The following RGS5 variants were observed in gnomAD, a reference collection of about 807,000 sequenced individuals.
The protein encoded by RGS5 is regulator of G-protein signalling 5.
Under a neutral mutation model 18.9 loss-of-function variants are expected in RGS5, and 20 were observed. The observed-to-expected ratio is 1.06, with a 90% confidence interval of 0.74 to 1.54. The LOEUF (loss-of-function observed/expected upper bound fraction) is 1.54. RGS5 is among the 40% of genes most tolerant of loss of function. The probability of loss-of-function intolerance (pLI) is 0.00; values close to 1 mark genes in which losing one functional copy is unlikely to be tolerated. For synonymous variants in RGS5, 57 were observed against 76.2 expected (o/e 0.75, Z 1.31); for missense variants, 201 against 211.8 (o/e 0.95, Z 0.32).
intron 2 of RGS5, among the ~76,000 whole-genome samples, chr1:163,223,491 T>C (rs1484692370): frequency 6.6e-6 from 1 of 152,134 alleles, no homozygotes; most frequent in Non-Finnish European, 1.5e-5. Flanking sequence ...AGTGTAGGGC[T>C]TGGTAGGTGT....
chr1:163,301,304 A>G (rs185941558), intron 2 of RGS5, among the ~76,000 whole-genome samples: 19 of 151,786 alleles, frequency 1.3e-4, no homozygotes, highest in Admixed American at 1.1e-3. Flanking sequence ...ATTCTAGAGG[A>G]AAAAAATCAG....
At chr1:163,290,811 G>A (rs2101725314) in intron 2 of RGS5, among the ~76,000 whole-genome samples, 1 of 152,150 alleles carries the variant, frequency 6.6e-6, no homozygotes, top group Middle Eastern at 3.4e-3. Flanking sequence ...TATTATATGA[G>A]ATCAACCAGT....
intron 2 of RGS5, among the ~76,000 whole-genome samples, chr1:163,298,031 T>G (rs997975062): frequency 6.6e-6 from 1 of 152,118 alleles, no homozygotes; most frequent in Non-Finnish European, 1.5e-5. Flanking sequence ...GCCACTATTG[T>G]TTACTATTGA....
upstream of RGS5, among the ~76,000 whole-genome samples, chr1:163,221,033 G>A (rs1315636128): frequency 6.6e-6 from 1 of 152,172 alleles, no homozygotes; most frequent in Non-Finnish European, 1.5e-5. Flanking sequence ...GTGGTAATTT[G>A]TTATAGCAAT....
chr1:163,192,539 G>A (rs1296255213), intron 1 of RGS5, among the ~76,000 whole-genome samples: 1 of 152,156 alleles, frequency 6.6e-6, no homozygotes, highest in Non-Finnish European at 1.5e-5. Context: ...CTTTGTGAAA[G>A]AAAAATGTTT....
intron 2 of RGS5, among the ~76,000 whole-genome samples, chr1:163,165,739 C>T (rs942870416): frequency 2.6e-5 from 4 of 152,062 alleles, no homozygotes; most frequent in Non-Finnish European, 5.9e-5. Flanking sequence ...AACCCTGTCT[C>T]TACTAAAAAA....
At chr1:163,171,466 A>G (rs1369277331) in intron 1 of RGS5, among the ~76,000 whole-genome samples, 1 of 152,026 alleles carries the variant, frequency 6.6e-6, no homozygotes, top group Non-Finnish European at 1.5e-5. Context: ...ACAATAGTCC[A>G]CTCACCAATA....
chr1:163,303,022 C>A (rs919829355), intron 2 of RGS5, among the ~76,000 whole-genome samples: 1 of 152,180 alleles, frequency 6.6e-6, no homozygotes, highest in African/African-American at 2.4e-5. Context: ...ATTTTGTCTT[C>A]CACAGAGCCT....
At chr1:163,227,449 A>G (rs6665636) in intron 2 of RGS5, among the ~76,000 whole-genome samples, 64,655 of 151,860 alleles carry the variant, frequency 0.43, 14,043 homozygotes, top group Non-Finnish European at 0.47. Context: ...ACTCATTATC[A>G]CGAGAACAGC....
At chr1:163,244,466 A>C (rs1647877307) in intron 2 of RGS5, 1 of 152,222 alleles carries the variant, frequency 6.6e-6, no homozygotes, top group Non-Finnish European at 1.5e-5. Flanking sequence ...TTATCTTACA[A>C]TAGCTTCTAT....
intron 3 of RGS5, among the ~76,000 whole-genome samples, chr1:163,156,505 C>A (rs1051565453): frequency 1.3e-5 from 2 of 152,180 alleles, no homozygotes; most frequent in African/African-American, 4.8e-5. Flanking sequence ...GAAGCAGTCA[C>A]TTTCTGTTCT....
At chr1:163,313,514 G>A (rs1649930035) in intron 1 of RGS5, among the ~76,000 whole-genome samples, 1 of 152,206 alleles carries the variant, frequency 6.6e-6, no homozygotes, top group African/African-American at 2.4e-5. Flanking sequence ...AGTCAGGAAT[G>A]AGACAATACA....
intron 4 of RGS5, among the ~76,000 whole-genome samples, chr1:163,148,115 C>T (rs1185713474): frequency 2.0e-5 from 3 of 151,614 alleles, no homozygotes; most frequent in Non-Finnish European, 4.4e-5. Flanking sequence ...TTGATAGAGA[C>T]GGGGTTTTGC....
intron 1 of RGS5, among the ~76,000 whole-genome samples, chr1:163,215,042 T>C (rs1212581959): frequency 1.3e-5 from 2 of 152,194 alleles, no homozygotes; most frequent in Admixed American, 6.5e-5. Context: ...CACACACACA[T>C]ATATATCCAT....
intron 2 of RGS5, chr1:163,238,569 C>A: frequency 6.0e-6 from 1 of 167,546 alleles, no homozygotes. Flanking sequence ...AATTGTAGAG[C>A]AACCTGGTGA....
intron 2 of RGS5, among the ~76,000 whole-genome samples, chr1:163,230,366 TAGCC>T (rs1557913045): frequency 6.6e-6 from 1 of 152,112 alleles, no homozygotes. Flanking sequence ...TCTCCCCTAT[TAGCC>T]AGGCCAAAAA....
chr1:163,150,603 G>A (rs1275752903), intron 4 of RGS5, among the ~76,000 whole-genome samples: 1 of 152,152 alleles, frequency 6.6e-6, no homozygotes, highest in South Asian at 2.1e-4. Flanking sequence ...TGTGCTTAGG[G>A]TGGAGGTTGA....
chr1:163,195,246 A>G (rs1017838596), intron 1 of RGS5, among the ~76,000 whole-genome samples: 3 of 152,202 alleles, frequency 2.0e-5, no homozygotes, highest in African/African-American at 7.2e-5. Flanking sequence ...ACCATGTTGT[A>G]TATAAGAATG....
chr1:163,245,637 G>A (rs1182399698), intron 2 of RGS5, among the ~76,000 whole-genome samples: 4 of 152,060 alleles, frequency 2.6e-5, no homozygotes, highest in African/African-American at 9.7e-5. Context: ...TTACCACTTA[G>A]TACCTGTGTA....
Sources: gnomAD v4.1 joint callset for allele counts (sites outside exome capture counted in the v4.1 genomes callset) on GRCh38, gnomAD v4.1.1 for gene constraint, MANE v1.5 for transcripts, NCBI Gene and HGNC (gene_info 2026-07-23, HGNC 2026-07-21) for gene names.